The following INSC variants were observed in gnomAD, a reference collection of about 807,000 sequenced individuals.
INSC encodes the protein protein inscuteable homolog.
In INSC, 67 loss-of-function variants were observed where a neutral mutation model predicts 58.6. The observed-to-expected ratio is 1.14, with a 90% CI of 0.94 to 1.40. INSC has a LOEUF of 1.40. Ranked by LOEUF, INSC falls within the 40% of genes most tolerant of loss-of-function variation. INSC has a pLI of 0.00. For synonymous variants in INSC, 262 were observed against 276.1 expected, an observed-to-expected ratio of 0.95 and a Z score of 0.51; for missense variants, 714 against 692.0, an observed-to-expected ratio of 1.03 and a Z score of -0.36.
intron 2 of INSC, among the ~76,000 whole-genome samples, chr11:15,170,421 T>C (rs1209818502): frequency 1.3e-5 from 2 of 152,098 alleles, no homozygotes; most frequent in African/African-American, 2.4e-5. Context: ...TTGAAGAGTA[T>C]TGGTCAGGTG....
chr11:15,262,548 G>A, the INSC span, among the ~76,000 whole-genome samples: 1 of 151,956 alleles, frequency 6.6e-6, no homozygotes, highest in South Asian at 2.1e-4. Flanking sequence ...AGGCTGAAAG[G>A]AAAACTGCAG....
chr11:15,173,220 A>C (rs1180939581), intron 2 of INSC, among the ~76,000 whole-genome samples: 1 of 152,110 alleles, frequency 6.6e-6, no homozygotes, highest in Non-Finnish European at 1.5e-5. Context: ...GGAGGACTTG[A>C]AAGATTTCAA....
At chr11:15,189,225 A>G (rs1850076856) in intron 5 of INSC, among the ~76,000 whole-genome samples, 1 of 152,218 alleles carries the variant, frequency 6.6e-6, no homozygotes, top group African/African-American at 2.4e-5. Flanking sequence ...TTAACTGTAC[A>G]AGATCACAAA....
intron 1 of INSC, among the ~76,000 whole-genome samples, chr11:15,147,773 C>G (rs1848532428): frequency 6.6e-6 from 1 of 152,186 alleles, no homozygotes; most frequent in Non-Finnish European, 1.5e-5. Flanking sequence ...TTATTCTGGG[C>G]TCCTGCCTCC....
In INSC at chr11:15,178,390, C is replaced by A; in HGVS notation, c.522C>A (p.Ser174Arg). The A allele has an allele frequency of 1.2e-6, 2 of 1,613,680 alleles. No homozygotes were observed. The highest frequency in any genetic ancestry group is 2.7e-5 in the African/African-American group (2 of 75,046). ...SMKACVSETL[S>R]MLGQHFGQLL... ...AGGCCTGCGTGAGTGAGACCCTGAG[C>A]ATGCTGGGCCAGCACTTTGGTCAGC... The change falls in exon 5 of 13, where the codon AGC becomes AGA. Residue 174 changes from serine to arginine, a missense_variant. Ser to Arg is a moderately radical substitution (Grantham distance 110, BLOSUM62 -1). Coordinates refer to ENST00000379556, the MANE Select transcript of INSC (RefSeq NM_001042536.3).
chr11:15,146,584 T>TA (rs1177586331), intron 1 of INSC, among the ~76,000 whole-genome samples: 1 of 152,302 alleles, frequency 6.6e-6, no homozygotes. Flanking sequence ...TGGGGTGCTT[T>TA]AAAAAATCAA....
chr11:15,221,210 G>GACTTGATGTCCGCTATCT (rs1851424676), intron 7 of INSC, among the ~76,000 whole-genome samples: 4 of 151,958 alleles, frequency 2.6e-5, no homozygotes, highest in African/African-American at 9.7e-5. Flanking sequence ...CTAGACACTT[G>GACTTGATGTCCGCTATCT]ACTTGATGTC....
At chr11:15,185,368 A>G (rs1452692686) in intron 5 of INSC, among the ~76,000 whole-genome samples, 1 of 152,170 alleles carries the variant, frequency 6.6e-6, no homozygotes, top group Non-Finnish European at 1.5e-5. Flanking sequence ...TAAATGAATT[A>G]TCCTAAAAAT....
intron 7 of INSC, among the ~76,000 whole-genome samples, chr11:15,207,991 C>T (rs1850874314): frequency 6.6e-6 from 1 of 152,084 alleles, no homozygotes. Flanking sequence ...GCCCCCTGGT[C>T]CCATTAGGTG....
intron 5 of INSC, among the ~76,000 whole-genome samples, chr11:15,183,826 C>A (rs1261989311): frequency 1.3e-5 from 2 of 152,042 alleles, no homozygotes; most frequent in Admixed American, 1.3e-4. Flanking sequence ...ACAGGTTTTA[C>A]ATTTTTAAAA....
intron 7 of INSC, among the ~76,000 whole-genome samples, chr11:15,208,684 A>T (rs1254735139): frequency 6.6e-6 from 1 of 152,234 alleles, no homozygotes; most frequent in Non-Finnish European, 1.5e-5. Context: ...CGCCAGGTCC[A>T]ACCTGAGTTT....
In INSC at chr11:15,165,596, T is replaced by C. The variant is rs142050634; in HGVS notation, c.57-10145T>C. 5.9e-4 allele frequency among the ~76,000 whole-genome samples: 90 copies of C among 151,904 alleles called. 1 individual carries two copies. Among genetic ancestry groups the C allele is most frequent in the African/African-American group, 2.1e-3 (89 of 41,398 alleles). On this transcript the variant is annotated intron_variant, in intron 2 of 12. Coordinates refer to ENST00000379556, the MANE Select transcript of INSC (RefSeq NM_001042536.3). The stretch of plus-strand genomic sequence containing the variant: ...TGGGAGCAGTGGTAACCAACAGGAG[T>C]CTTCACCATGCCTAGAAGACCCAGT...
chr11:15,157,606 T>TGG (rs1848860019), intron 2 of INSC, among the ~76,000 whole-genome samples: 1 of 151,998 alleles, frequency 6.6e-6, no homozygotes, highest in African/African-American at 2.4e-5. Context: ...GTAGGAGAGG[T>TGG]GGAGCCCAGA....
At chr11:15,179,535 G>A (rs898506422) in intron 5 of INSC, among the ~76,000 whole-genome samples, 1 of 152,178 alleles carries the variant, frequency 6.6e-6, no homozygotes, top group Non-Finnish European at 1.5e-5. Flanking sequence ...TGGCTTGACT[G>A]ACATGCTGGT....
At chr11:15,266,641 AT>A in the INSC span, among the ~76,000 whole-genome samples, 1 of 152,000 alleles carries the variant, frequency 6.6e-6, no homozygotes, top group Non-Finnish European at 1.5e-5. Flanking sequence ...TGTACCCAAG[AT>A]TGTAGTTGTA....
At chr11:15,266,414 G>T in the INSC span, among the ~76,000 whole-genome samples, 1 of 151,956 alleles carries the variant, frequency 6.6e-6, no homozygotes, top group African/African-American at 2.4e-5. Context: ...AGACTTCTTG[G>T]TTATGTCCAT....
At chr11:15,184,132 G>A (rs1849880911) in intron 5 of INSC, among the ~76,000 whole-genome samples, 1 of 151,944 alleles carries the variant, frequency 6.6e-6, no homozygotes, top group African/African-American at 2.4e-5. Context: ...ATTTACTAAA[G>A]GAATACTGTG....
intron 7 of INSC, among the ~76,000 whole-genome samples, chr11:15,220,068 T>C (rs1454925860): frequency 1.3e-5 from 2 of 152,208 alleles, no homozygotes; most frequent in Non-Finnish European, 2.9e-5. Flanking sequence ...GAGTCTGAGA[T>C]TGCCAAAGGC....
At chr11:15,144,655 C>T (rs12226609) in intron 1 of INSC, among the ~76,000 whole-genome samples, 18,478 of 152,212 alleles carry the variant, frequency 0.12, 1,502 homozygotes, top group East Asian at 0.34. Flanking sequence ...TAAGCAATCC[C>T]AGACATGCTT....
Sources: gnomAD v4.1 joint callset for allele counts (sites outside exome capture counted in the v4.1 genomes callset) on GRCh38, gnomAD v4.1.1 for gene constraint, MANE v1.5 for transcripts, NCBI Gene and HGNC (gene_info 2026-07-23, HGNC 2026-07-21) for gene names.